MGAT4C: variants seen among roughly 807,000 people sequenced by gnomAD.
MGAT4C encodes the protein MGAT4 family member C, also known as alpha-1,3-mannosyl-glycoprotein 4-beta-N-acetylglucosaminyltransferase C.
In MGAT4C, 19 loss-of-function variants were observed where a neutral mutation model predicts 40.1. The ratio of observed to expected loss-of-function variants is 0.47; its 90% CI spans 0.33 to 0.70. The LOEUF is 0.70. Among genes scored for constraint, MGAT4C ranks in the 30% least tolerant of loss-of-function variants. The pLI is 0.02. For missense variants in MGAT4C, 491 were observed against 563.2 expected, an observed-to-expected ratio of 0.87 and a Z score of 1.30; for synonymous variants, 181 against 187.1, an observed-to-expected ratio of 0.97 and a Z score of 0.27.
At chr12:86,163,207 C>A (rs1335300239) in intron 1 of MGAT4C, among the ~76,000 whole-genome samples, 2 of 151,794 alleles carry the variant, frequency 1.3e-5, no homozygotes, top group South Asian at 2.1e-4. Flanking sequence ...TCCTCCCCCC[C>A]TTTTTTTTCT....
At chr12:86,558,643 A>G (rs1162736371) in intron 2 of MGAT4C, among the ~76,000 whole-genome samples, 2 of 152,072 alleles carry the variant, frequency 1.3e-5, no homozygotes, top group Non-Finnish European at 2.9e-5. Context: ...TAGGAAATGC[A>G]TAAGTGAGTC....
chr12:86,821,489 T>C lies in MGAT4C; in HGVS notation c.-262+17177A>G, dbSNP rs143442675. On this transcript the variant is annotated intron_variant, in intron 1 of 7. Transcript: ENST00000548651. ...TATCCATCACCTGAAGCAGTTATCA[T>C]TTCTTTGTGTTAGGAACATTTTAAT... Among the ~76,000 whole-genome samples, 302 of 151,012 alleles carry C rather than the reference T, an allele frequency of 2.0e-3. 4 individuals are homozygous for C. The highest frequency in any genetic ancestry group is 0.017 in the Admixed American group (253 of 15,072).
At chr12:86,579,604 T>C (rs1960701815) in intron 2 of MGAT4C, among the ~76,000 whole-genome samples, 1 of 151,618 alleles carries the variant, frequency 6.6e-6, no homozygotes, top group South Asian at 2.1e-4. Flanking sequence ...GTTACAATGT[T>C]GTAATAGTCT....
intron 2 of MGAT4C, among the ~76,000 whole-genome samples, chr12:86,498,506 A>G (rs952145839): frequency 6.6e-5 from 10 of 151,946 alleles, no homozygotes; most frequent in African/African-American, 2.2e-4. Flanking sequence ...AATATACACA[A>G]TATCTATTAC....
rs1489532920 is a variant in MGAT4C, at chr12:86,003,144, T to G, written c.-6-13592A>C. On this transcript the variant is annotated intron_variant, in intron 2 of 4. Coordinates refer to ENST00000611864, the MANE Select transcript of MGAT4C (RefSeq NM_001351288.2). ...GTTCCAATTTTCAGTGATAAATGTG[T>G]GCTTATATAAGGTAAATATTTCTAA... Among the ~76,000 whole-genome samples, 3 of 152,282 alleles carry G rather than the reference T, an allele frequency of 2.0e-5. No homozygotes were observed. The South Asian group carries it at 6.2e-4, about 32-fold the overall frequency.
intron 2 of MGAT4C, among the ~76,000 whole-genome samples, chr12:86,569,190 A>G (rs1052582730): frequency 1.3e-5 from 2 of 152,060 alleles, no homozygotes; most frequent in African/African-American, 4.8e-5. Context: ...AAATAACACT[A>G]TATTATACTG....
chr12:86,801,480 G>A (rs181877463), intron 1 of MGAT4C, among the ~76,000 whole-genome samples: 313 of 151,914 alleles, frequency 2.1e-3, no homozygotes, highest in African/African-American at 7.3e-3. Context: ...GAATCCAGGG[G>A]ATAGGAGATC....
intron 1 of MGAT4C, among the ~76,000 whole-genome samples, chr12:86,831,057 C>T (rs1952917180): frequency 6.6e-6 from 1 of 151,752 alleles, no homozygotes; most frequent in South Asian, 2.1e-4. Context: ...CCTTTTCCAA[C>T]TTGATTTTCA....
chr12:86,698,664 G>A (rs1950301938), intron 2 of MGAT4C, among the ~76,000 whole-genome samples: 1 of 151,760 alleles, frequency 6.6e-6, no homozygotes, highest in Non-Finnish European at 1.5e-5. Context: ...TCATAAGTAT[G>A]TACAGCTGAG....
chr12:86,564,294 T>TC (rs1451893524), intron 2 of MGAT4C, among the ~76,000 whole-genome samples: 1 of 144,496 alleles, frequency 6.9e-6, no homozygotes, highest in East Asian at 2.0e-4. Context: ...GGCAAATCCC[T>TC]TTTTTTTTTT....
At chr12:86,354,301 T>C (rs1412690289) in intron 3 of MGAT4C, among the ~76,000 whole-genome samples, 2 of 152,196 alleles carry the variant, frequency 1.3e-5, no homozygotes, top group Admixed American at 6.5e-5. Flanking sequence ...ACAGGACCCA[T>C]AGTATTATAC....
chr12:86,686,502 T>A (rs1176886340), intron 2 of MGAT4C, among the ~76,000 whole-genome samples: 1 of 152,216 alleles, frequency 6.6e-6, no homozygotes. Flanking sequence ...TGTTTTGAGA[T>A]GTGCTCCATC....
At chr12:86,141,523 T>C (rs1476635755) in intron 1 of MGAT4C, among the ~76,000 whole-genome samples, 2 of 152,166 alleles carry the variant, frequency 1.3e-5, no homozygotes, top group East Asian at 3.9e-4. Flanking sequence ...GTAAGGATCA[T>C]GGCTGTCATC....
intron 2 of MGAT4C, among the ~76,000 whole-genome samples, chr12:86,502,310 C>T (rs1028749257): frequency 9.9e-5 from 15 of 151,690 alleles, no homozygotes; most frequent in South Asian, 6.2e-4. Flanking sequence ...ACTATGGAGA[C>T]GGAAAAGGGA....
At chr12:86,127,525 CA>C (rs1880482743) in intron 1 of MGAT4C, among the ~76,000 whole-genome samples, 1 of 152,014 alleles carries the variant, frequency 6.6e-6, no homozygotes, top group Non-Finnish European at 1.5e-5. Flanking sequence ...ATTCTTTCTT[CA>C]ATAATAGATA....
chr12:86,551,832 G>T (rs1959378205), intron 2 of MGAT4C, among the ~76,000 whole-genome samples: 1 of 152,026 alleles, frequency 6.6e-6, no homozygotes, highest in Admixed American at 6.6e-5. Context: ...CACTAGCATG[G>T]ATTACATCTG....
chr12:85,990,528 C>T (rs7486295), intron 2 of MGAT4C, among the ~76,000 whole-genome samples: 13,663 of 151,920 alleles, frequency 0.09, 1,413 homozygotes, highest in African/African-American at 0.25. Flanking sequence ...GAAAAATGTC[C>T]GTCCCCTATA....
intron 2 of MGAT4C, among the ~76,000 whole-genome samples, chr12:86,603,618 T>C (rs1381368852): frequency 8.0e-6 from 1 of 125,180 alleles, no homozygotes; most frequent in Non-Finnish European, 1.6e-5. Flanking sequence ...TAATATATAT[T>C]ATATAGTCTA....
intron 1 of MGAT4C, among the ~76,000 whole-genome samples, chr12:86,236,276 C>G (rs943246350): frequency 6.6e-6 from 1 of 152,064 alleles, no homozygotes; most frequent in Admixed American, 6.6e-5. Context: ...CTTTTCAGCA[C>G]TCAGCCCTCC....
Sources: allele counts gnomAD v4.1 joint callset (sites outside exome capture counted in the v4.1 genomes callset), GRCh38; gene constraint gnomAD v4.1.1; transcripts MANE v1.5; gene names NCBI Gene and HGNC (gene_info 2026-07-23, HGNC 2026-07-21).